TMEM164: variants seen among roughly 807,000 people sequenced by gnomAD.
The protein encoded by TMEM164 is RP13-360B22.2.
Under a neutral mutation model 18.8 loss-of-function variants are expected in TMEM164, and 4 were observed. The observed-to-expected ratio is 0.21, with a 90% CI of 0.10 to 0.49. The LOEUF (loss-of-function observed/expected upper bound fraction) is 0.49, where lower values mean the gene tolerates loss of function less well. TMEM164 is among the 20% of genes least tolerant of loss of function. TMEM164 has a pLI of 0.98. For synonymous variants in TMEM164, 86 were observed against 101.7 expected (o/e 0.85, Z 0.93); for missense variants, 108 against 239.9 (o/e 0.45, Z 3.63).
chrX:110,147,571 G>A (rs1250974273), intron 5 of TMEM164, among the ~76,000 whole-genome samples: 1 of 110,461 alleles, frequency 9.1e-6, no homozygotes, highest in South Asian at 3.9e-4. Flanking sequence ...TCATCTGTAC[G>A]TTAGGGGAAA....
chrX:110,077,205 TA>T (rs1254275073), intron 3 of TMEM164, among the ~76,000 whole-genome samples: 12 of 112,411 alleles, frequency 1.1e-4, no homozygotes, highest in Admixed American at 7.5e-4. Flanking sequence ...TACCATTATG[TA>T]ATACTCTTAT....
intron 3 of TMEM164, among the ~76,000 whole-genome samples, chrX:110,092,048 G>A (rs2065938538): frequency 9.0e-6 from 1 of 111,710 alleles, no homozygotes; most frequent in Admixed American, 9.5e-5. Flanking sequence ...TGAGGGCTCT[G>A]TTCTGTTCCA....
At chrX:110,014,744 C>CTTTTTTTTTTTTTTTTTTTTTTTATT (rs1933229388) in intron 2 of TMEM164, among the ~76,000 whole-genome samples, 2 of 54,238 alleles carry the variant, frequency 3.7e-5, no homozygotes, top group African/African-American at 1.5e-4. Flanking sequence ...TTGGTTGTTT[C>CTTTTTTTTTTTTTTTTTTTTTTTATT]TTTTTTTTTT....
intron 4 of TMEM164, among the ~76,000 whole-genome samples, chrX:110,142,847 C>T (rs2066790280): frequency 8.9e-6 from 1 of 112,776 alleles, no homozygotes; most frequent in African/African-American, 3.2e-5. Context: ...TAACTGCCTC[C>T]CTGGACATTC....
intron 4 of TMEM164, among the ~76,000 whole-genome samples, chrX:110,119,032 A>C (rs1242713078): frequency 2.7e-5 from 3 of 111,459 alleles, no homozygotes; most frequent in African/African-American, 9.8e-5. Context: ...CTTGGGTGCA[A>C]AGACAGAGGG....
intron 2 of TMEM164, among the ~76,000 whole-genome samples, chrX:110,065,985 C>A (rs1310580952): frequency 1.8e-5 from 2 of 111,902 alleles, no homozygotes; most frequent in Non-Finnish European, 3.8e-5. Flanking sequence ...TTATCATCGG[C>A]TTTGTATGTT....
intron 4 of TMEM164, among the ~76,000 whole-genome samples, chrX:110,125,076 G>C (rs1398336121): frequency 8.9e-6 from 1 of 112,050 alleles, no homozygotes; most frequent in Non-Finnish European, 1.9e-5. Context: ...AGCATCAATA[G>C]CCTGTCTCAG....
Position 110,003,856 on chromosome X carries a change from G to A in TMEM164, c.82G>A (p.Asp28Asn). 8.3e-7 allele frequency: 1 copy of A among 1,211,797 alleles called. No homozygotes were observed. Among genetic ancestry groups the A allele is most frequent in the Non-Finnish European group, 1.1e-6 (1 of 895,482 alleles). Residue 28 changes from aspartate to asparagine, a missense_variant, in exon 2 of 7, where the codon GAC becomes AAC. By Grantham distance (23) the Asp-to-Asn change is conservative. Coordinates refer to ENST00000372068, the MANE Select transcript of TMEM164 (RefSeq NM_032227.4). ...CAGTTTTGCAGGCAATGGGGGCCCC[G>A]ACTGTGCTGCCTTCCTCTCTTGGCA... ...DPSFAGNGGP[D>N]CAAFLSWQQR...
At position 110,003,966 on chromosome X, in the gene TMEM164, G is replaced by T. The variant is rs201823249; in HGVS notation, c.192G>T (p.Thr64=). 1 of 1,211,708 alleles carries T rather than the reference G, an allele frequency of 8.3e-7. No individual in the cohort carries two copies. Among genetic ancestry groups the T allele is most frequent in the East Asian group, 3.0e-5 (1 of 33,828 alleles). The change falls in exon 2 of 7, where the codon ACG becomes ACT. Residue 64 remains threonine, a synonymous_variant. Transcript: ENST00000372068. ...LVALRHILRQ[T]KEDGRGSPGS... ...CCCTGCGGCACATCCTGAGGCAGAC[G>T]AAGGAGGACGGTAGGGGTAGCCCTG... is the stretch of plus-strand genomic sequence containing the variant.
At chrX:110,075,447 A>G (rs1417888423) in intron 3 of TMEM164, among the ~76,000 whole-genome samples, 1 of 111,115 alleles carries the variant, frequency 9.0e-6, no homozygotes, top group Non-Finnish European at 1.9e-5. Context: ...GATGCCTTTT[A>G]TTTATTCCTC....
At chrX:110,058,455 C>T (rs1238610095) in intron 2 of TMEM164, among the ~76,000 whole-genome samples, 1 of 108,841 alleles carries the variant, frequency 9.2e-6, no homozygotes, top group Non-Finnish European at 1.9e-5. Context: ...ACATTGTTTT[C>T]CTGATTTCAT....
chrX:110,040,912 G>T (rs1008247713), intron 2 of TMEM164, among the ~76,000 whole-genome samples: 8 of 111,398 alleles, frequency 7.2e-5, no homozygotes, highest in Non-Finnish European at 1.5e-4. Context: ...TGACTCTTTG[G>T]ATAAAACAGG....
At chrX:110,126,808 T>C (rs965683581) in intron 4 of TMEM164, among the ~76,000 whole-genome samples, 1 of 80,268 alleles carries the variant, frequency 1.2e-5, no homozygotes, top group Non-Finnish European at 2.3e-5. Flanking sequence ...GCTGGGCCAC[T>C]CCTGTGTGTG....
At chrX:110,023,948 C>T (rs750909503) in intron 2 of TMEM164, among the ~76,000 whole-genome samples, 47 of 112,409 alleles carry the variant, frequency 4.2e-4, no homozygotes, top group Non-Finnish European at 7.9e-4. Flanking sequence ...AAGAGGCTTG[C>T]CAGTCACCTG....
At chrX:110,168,782 G>A (rs746304012) in intron 5 of TMEM164, among the ~76,000 whole-genome samples, 11 of 112,137 alleles carry the variant, frequency 9.8e-5, no homozygotes, top group African/African-American at 1.6e-4. Context: ...CTCTTTCTAC[G>A]TATGTTCCCA....
rs181964419 is a variant in TMEM164, at chrX:110,095,011, T to C, written c.441-14069T>C. Among the ~76,000 whole-genome samples, 477 of 112,084 alleles carry C rather than the reference T, an allele frequency of 4.3e-3. 1 individual carries two copies. The highest frequency in any genetic ancestry group is 0.014 in the African/African-American group (436 of 30,862). The stretch of plus-strand genomic sequence containing the variant: ...TAAGAATGTTGAATATTGGCCCCCA[T>C]TCTCTTCTGGCTTGTAGAGTTTCTG... On this transcript the variant is annotated intron_variant, in intron 3 of 6. Coordinates refer to ENST00000372068, the MANE Select transcript of TMEM164 (RefSeq NM_032227.4).
chrX:110,094,841 G>C (rs1352892677), intron 3 of TMEM164, among the ~76,000 whole-genome samples: 1 of 111,788 alleles, frequency 8.9e-6, no homozygotes, highest in Admixed American at 9.5e-5. Flanking sequence ...CATGTTTAGT[G>C]TTTCTTTCAG....
chrX:110,108,068 C>CTCTGTG (rs761283924), intron 3 of TMEM164, among the ~76,000 whole-genome samples: 2 of 46,373 alleles, frequency 4.3e-5, no homozygotes, highest in Non-Finnish European at 7.6e-5. Flanking sequence ...AGGAGGTATG[C>CTCTGTG]TGTGTGTGTG....
At chrX:110,080,092 A>G (rs2065730656) in intron 3 of TMEM164, among the ~76,000 whole-genome samples, 7 of 111,603 alleles carry the variant, frequency 6.3e-5, no homozygotes, top group Admixed American at 4.8e-4. Flanking sequence ...CCCAAGCTTC[A>G]CTATAAATTT....
Sources: gnomAD v4.1 joint callset for allele counts (sites outside exome capture counted in the v4.1 genomes callset) on GRCh38, gnomAD v4.1.1 for gene constraint, MANE v1.5 for transcripts, NCBI Gene and HGNC (gene_info 2026-07-23, HGNC 2026-07-21) for gene names.